The following UGT2B11 variants were observed in gnomAD, a reference collection of about 807,000 sequenced individuals.
UGT2B11 encodes the protein UDP-glucuronosyltransferase 2B11.
UGT2B11 carries 49 observed loss-of-function variants against 51.7 expected under a neutral mutation model. The observed-to-expected ratio is 0.95, with a 90% confidence interval of 0.75 to 1.20. UGT2B11 has a LOEUF of 1.20. UGT2B11 is among the 50% of genes most tolerant of loss of function. The pLI is 0.00. For missense variants in UGT2B11, 810 were observed against 622.1 expected (o/e 1.30, Z -3.21); for synonymous variants, 273 against 209.0 (o/e 1.31, Z -2.64).
At chr4:69,216,765 T>A (rs1269751383), upstream of UGT2B11, 11 of 152,042 alleles carry the variant, frequency 7.2e-5, no homozygotes, top group African/African-American at 2.7e-4. Context: ...AAAGGATGAA[T>A]GATTTTGTGT....
At position 69,212,622 on chromosome 4, in the gene UGT2B11, A is replaced by G. The variant is rs868738904; in HGVS notation, c.821T>C (p.Val274Ala). The part of the protein sequence containing the change: ...FQFPHPFLPN[V>A]DFVGGFHCKP... ...GCAGTGGAATCCTCCAACAAAATCA[A>G]CGTTTGGTAAGAATGGATGAGGAAA... is the stretch of plus-strand genomic sequence containing the variant. The change falls in exon 2 of 6, where the codon GTT becomes GCT. Residue 274 changes from valine to alanine, a missense_variant. Physicochemically the swap from Val to Ala is moderately conservative, Grantham distance 64. Transcript: ENST00000446444. The G allele has an allele frequency of 3.1e-6, 5 of 1,609,874 alleles. No homozygotes were observed. In the Middle Eastern group the frequency reaches 6.6e-4, roughly 213 times the overall value.
intron 5 of UGT2B11, among the ~76,000 whole-genome samples, chr4:69,203,119 A>T (rs557023106): frequency 1.3e-5 from 2 of 151,774 alleles, no homozygotes; most frequent in African/African-American, 4.8e-5. Context: ...TAAAAAGTAT[A>T]TATCTGATTT....
the UGT2B11 span, among the ~76,000 whole-genome samples, chr4:69,223,635 T>A: frequency 2.0e-5 from 3 of 152,122 alleles, no homozygotes; most frequent in African/African-American, 7.2e-5. Context: ...CATAAAATTG[T>A]CCTTCAAGGA....
At chr4:69,205,687 A>G (rs75410864) in intron 3 of UGT2B11, 120 bp from the exon 4 acceptor site, 58,229 of 1,129,404 alleles carry the variant, frequency 0.052, 1,924 homozygotes, top group South Asian at 0.12. Flanking sequence ...CTACTCAAAG[A>G]TTGATGTAAA....
chr4:69,208,123 T>C (rs191233166), intron 3 of UGT2B11, among the ~76,000 whole-genome samples: 2 of 151,616 alleles, frequency 1.3e-5, no homozygotes, highest in African/African-American at 4.8e-5. Flanking sequence ...CTGATACTAA[T>C]AGGAGCCACT....
the UGT2B11 span, among the ~76,000 whole-genome samples, chr4:69,219,983 A>G: frequency 8.5e-5 from 13 of 152,282 alleles, no homozygotes; most frequent in Non-Finnish European, 1.8e-4. Context: ...GTCTCATCTG[A>G]GATAAGGCAA....
intron 5 of UGT2B11, among the ~76,000 whole-genome samples, chr4:69,203,060 C>A (rs753704374): frequency 6.6e-6 from 1 of 151,126 alleles, no homozygotes; most frequent in Non-Finnish European, 1.5e-5. Context: ...CTTCAAAGAC[C>A]ATCATCAAAA....
At chr4:69,203,191 T>C (rs970733177) in intron 5 of UGT2B11, among the ~76,000 whole-genome samples, 4 of 151,758 alleles carry the variant, frequency 2.6e-5, no homozygotes, top group African/African-American at 9.6e-5. Context: ...AAGTTAAAAA[T>C]GTTCCAAGCA....
At chr4:69,220,391 G>A in the UGT2B11 span, among the ~76,000 whole-genome samples, 1 of 152,048 alleles carries the variant, frequency 6.6e-6, no homozygotes, top group Non-Finnish European at 1.5e-5. Context: ...TCTGGAGGAC[G>A]GTGGCCCACT....
the UGT2B11 span, among the ~76,000 whole-genome samples, chr4:69,220,663 A>T: frequency 6.6e-6 from 1 of 151,500 alleles, no homozygotes; most frequent in Admixed American, 6.6e-5. Flanking sequence ...GGGAGGAGCC[A>T]AGGTATCCAT....
rs373187026 is a variant in UGT2B11, at chr4:69,204,436, T to A, written c.1304A>T (p.Asp435Val). The A allele has an allele frequency of 2.9e-5, 47 of 1,611,546 alleles. No individual in the cohort carries two copies. Among genetic ancestry groups the A allele is most frequent in the Non-Finnish European group, 3.7e-5 (44 of 1,178,448 alleles). The part of the protein sequence containing the change: ...LLNALKTVIN[D>V]PLYKENIMKL... ...AAAACATTGTTCTACTCACAAAGGA[T>A]CATTAATTACTGTCTTCAGTGCATT... Residue 435 changes from aspartate (D) to valine (V), a missense_variant, in exon 5 of 6, where the codon GAT becomes GTT. Transcript: ENST00000446444.
chr4:69,215,400 T>C (rs968540743), upstream of UGT2B11: 1 of 152,020 alleles, frequency 6.6e-6, no homozygotes, highest in African/African-American at 2.4e-5. Context: ...CTTTTGTGGC[T>C]GGCTTCTTTT....
chr4:69,210,246 A>G (rs190993126), intron 2 of UGT2B11, among the ~76,000 whole-genome samples: 8 of 151,782 alleles, frequency 5.3e-5, no homozygotes, highest in Non-Finnish European at 1.0e-4. Context: ...ATGTTGGATT[A>G]CTTGTAATGT....
At chr4:69,222,873 G>A in the UGT2B11 span, among the ~76,000 whole-genome samples, 1 of 152,152 alleles carries the variant, frequency 6.6e-6, no homozygotes, top group African/African-American at 2.4e-5. Flanking sequence ...CCAAGTTTAA[G>A]TTCTCTTTCC....
chr4:69,205,408 A>G (rs2109943309), intron 4 of UGT2B11, 72 bp downstream of exon 4: 1 of 1,550,052 alleles, frequency 6.5e-7, no homozygotes, highest in Middle Eastern at 1.8e-4. Context: ...ACAAATATTC[A>G]ATAAGCATGT....
At chr4:69,204,069 A>G (rs1721757337) in intron 5 of UGT2B11, among the ~76,000 whole-genome samples, 1 of 151,624 alleles carries the variant, frequency 6.6e-6, no homozygotes, top group Non-Finnish European at 1.5e-5. Context: ...AAATAGTTAT[A>G]TTCTGAGTCA....
intron 5 of UGT2B11, 37 bp from the exon 6 acceptor site, chr4:69,200,756 A>C (rs1450163009): frequency 3.2e-6 from 5 of 1,574,944 alleles, no homozygotes; most frequent in Admixed American, 3.7e-5. Flanking sequence ...CACTGAAAGT[A>C]AGTTAATTTG....
At position 69,214,580 on chromosome 4, in the gene UGT2B11, T is replaced by A; in HGVS notation, c.143A>T (p.Gln48Leu). The A allele has an allele frequency of 6.2e-7, 1 of 1,613,346 alleles. No individual in the cohort carries two copies. Among genetic ancestry groups the A allele is most frequent in the Non-Finnish European group, 8.5e-7 (1 of 1,179,474 alleles). Residue 48 changes from glutamine (Q) to leucine (L), a missense_variant, in exon 1 of 6, where the codon CAG (glutamine) becomes CTG (leucine). Transcript: ENST00000446444. ...CAGTACAGTCACCTCATGACCTCTCTGAACAAGCTCTTTCAGGATTGTCTT... is the reference window on the plus strand; with the variant it reads ...CAGTACAGTCACCTCATGACCTCTCAGAACAAGCTCTTTCAGGATTGTCTT... ...NMKTILKELV[Q>L]RGHEVTVLAS...
At position 69,214,356 on chromosome 4, in the gene UGT2B11, A is replaced by G. The variant is rs748002147; in HGVS notation, c.367T>C (p.Phe123Leu). ...ACTACATCTTTACAGAAGTTTCTAA[A>G]TATGTCATATAATTCCCACAGGATT... ...QEILWELYDI[F>L]RNFCKDVVSN... Residue 123 changes from phenylalanine (F) to leucine (L), a missense_variant, in exon 1 of 6, where the codon TTT becomes CTT. Coordinates refer to ENST00000446444, the MANE Select transcript of UGT2B11 (RefSeq NM_001073.3). 4 of 1,612,452 alleles carry G rather than the reference A, an allele frequency of 2.5e-6. No homozygotes were observed. Among genetic ancestry groups the G allele is most frequent in the East Asian group, 4.5e-5 (2 of 44,798 alleles).
Sources: allele counts gnomAD v4.1 joint callset (sites outside exome capture counted in the v4.1 genomes callset), GRCh38; gene constraint gnomAD v4.1.1; transcripts MANE v1.5; gene names NCBI Gene and HGNC (gene_info 2026-07-23, HGNC 2026-07-21).